COL20A1: variants seen among roughly 807,000 people sequenced by gnomAD.
The protein encoded by COL20A1 is collagen alpha-1(XX) chain.
COL20A1 carries 164 observed loss-of-function variants against 152.9 expected under a neutral mutation model. That is an observed-to-expected ratio of 1.07 (90% CI 0.94 to 1.22). The LOEUF is 1.22. Ranked by LOEUF, COL20A1 falls within the 50% of genes most tolerant of loss-of-function variation. The probability of loss-of-function intolerance (pLI) is 0.00; values close to 1 mark genes in which losing one functional copy is unlikely to be tolerated. For missense variants in COL20A1, 1,873 were observed against 1,744.8 expected (o/e 1.07, Z -1.31); for synonymous variants, 864 against 756.0 (o/e 1.14, Z -2.34).
intron 34 of COL20A1, 57 bp from the exon 35 acceptor site, chr20:63,329,505 TGACACCCTCTGTCCCCGTCAGAA>T: frequency 8.9e-7 from 1 of 1,129,124 alleles, no homozygotes; most frequent in Non-Finnish European, 1.3e-6. Flanking sequence ...GGAGGGGCCC[TGACACCCTCTGTCCCCGTCAGAA>T]CAGGGCCCCA....
At chr20:63,327,258 A>G (rs553330614) in intron 31 of COL20A1, 63 of 189,908 alleles carry the variant, frequency 3.3e-4, no homozygotes, top group Non-Finnish European at 5.4e-4. Flanking sequence ...CTTCCTATTG[A>G]CCACCCAGGG....
In COL20A1 at chr20:63,315,430, T is replaced by A; in HGVS notation, c.2515T>A (p.Ser839Thr). The A allele has an allele frequency of 6.3e-7, 1 of 1,578,832 alleles. No homozygotes were observed. Among genetic ancestry groups the A allele is most frequent in the Non-Finnish European group, 8.6e-7 (1 of 1,167,402 alleles). The change falls in exon 20 of 36, where the codon TCC (serine) becomes ACC (threonine). Residue 839 changes from serine to threonine, a missense_variant. Ser to Thr is a moderately conservative substitution (Grantham distance 58). Coordinates refer to ENST00000358894, the MANE Select transcript of COL20A1 (RefSeq NM_020882.4). ...TACPALRPDG[S>T]LPGFDLMVAF... Reference sequence around the variant, plus strand: ...CTGCCCAGCCCTCCGCCCTGACGGCTCCCTCCCAGGTGGGTCCTGCATGCC... The same window carrying A: ...CTGCCCAGCCCTCCGCCCTGACGGCACCCTCCCAGGTGGGTCCTGCATGCC...
chr20:63,329,444 C>T, intron 34 of COL20A1, 141 bp from the exon 35 acceptor site: 1 of 663,816 alleles, frequency 1.5e-6, no homozygotes, highest in Non-Finnish European at 2.7e-6. Flanking sequence ...ACGCTGCTGC[C>T]CCTAGATCTC....
At position 63,309,778 on chromosome 20, in the gene COL20A1, A is replaced by G. The variant is rs986635188; in HGVS notation, c.1126A>G (p.Thr376Ala). 5 of 1,589,564 alleles carry G rather than the reference A, an allele frequency of 3.1e-6. No individual in the cohort carries two copies. The highest frequency in any genetic ancestry group is 3.4e-6 in the Non-Finnish European group (4 of 1,169,652). The part of the protein sequence containing the change: ...QGPAAAPALD[T>A]LPAPTSLVLS... ...AGCAGCAGCGGCTCCAGCCCTGGAC[A>G]CCCTCCCTGCCCCCACCAGCCTGGT... The change falls in exon 10 of 36, where the codon ACC becomes GCC. Residue 376 changes from threonine to alanine, a missense_variant. Coordinates refer to ENST00000358894, the MANE Select transcript of COL20A1 (RefSeq NM_020882.4).
chr20:63,320,921 G>C (rs2068153727), intron 25 of COL20A1, 92 bp from the exon 26 acceptor site: 2 of 976,280 alleles, frequency 2.0e-6, no homozygotes, highest in African/African-American at 1.7e-5. Flanking sequence ...AGTCTCCCTG[G>C]AGCCCAGGTG....
intron 6 of COL20A1, 23 bp from the exon 7 acceptor site, chr20:63,307,948 G>C (rs763265245): frequency 6.2e-7 from 1 of 1,610,390 alleles, no homozygotes; most frequent in East Asian, 2.2e-5. Flanking sequence ...AACTCAGCCC[G>C]TGGCCATGCC....
chr20:63,318,991 A>C, intron 21 of COL20A1, 67 bp from the exon 22 acceptor site: 2 of 1,303,256 alleles, frequency 1.5e-6, no homozygotes, highest in Non-Finnish European at 2.2e-6. Context: ...GGGCGAGCGG[A>C]TCGTTCTGCC....
Position 63,312,049 on chromosome 20 carries a change from G to C in COL20A1, c.1797G>C (p.Ser599=). The change falls in exon 14 of 36, where the codon TCG becomes TCC. Residue 599 remains serine (S), a synonymous_variant. Coordinates refer to ENST00000358894, the MANE Select transcript of COL20A1 (RefSeq NM_020882.4). ...VTYVSSEGGH[S]GQTEAPGNAT... ...ATGTGTCCAGCGAGGGTGGACACTC[G>C]GGGCAGGTGAGAGCAGAGCCCTCCG... The C allele has an allele frequency of 6.3e-7, 1 of 1,574,816 alleles. No individual in the cohort carries two copies. The highest frequency in any genetic ancestry group is 2.3e-5 in the East Asian group (1 of 44,286).
At chr20:63,308,490 C>T (rs1420458134) in intron 7 of COL20A1, 52 bp from the exon 8 acceptor site, 3 of 1,479,416 alleles carry the variant, frequency 2.0e-6, no homozygotes, top group African/African-American at 1.4e-5. Context: ...CAGCCGAGCA[C>T]CAGGAGGGGA....
chr20:63,295,936 C>T, intron 2 of COL20A1, among the ~76,000 whole-genome samples: 1 of 152,404 alleles, frequency 6.6e-6, no homozygotes, highest in Middle Eastern at 3.4e-3. Context: ...CGGGCTCCCA[C>T]TGAGCGATGG....
intron 3 of COL20A1, among the ~76,000 whole-genome samples, chr20:63,304,386 T>C (rs111174529): frequency 7.4e-6 from 1 of 134,262 alleles, no homozygotes; most frequent in Non-Finnish European, 1.6e-5. Flanking sequence ...CCTCCAGGTG[T>C]GCAGGTGTGG....
Position 63,319,304 on chromosome 20 carries a change from C to A in COL20A1, c.2806+104C>A. 1.6e-6 allele frequency: 2 copies of A among 1,266,854 alleles called. No homozygotes were observed. Among genetic ancestry groups the A allele is most frequent in the Non-Finnish European group, 1.1e-6 (1 of 920,416 alleles). 78.5% of individuals were successfully genotyped at this position (1,266,854 alleles called of 1,614,324 possible). On this transcript the variant is annotated intron_variant, in intron 22 of 35. Transcript: ENST00000358894. This position sits in a 1 kb window ranked among gnomAD's most constrained non-coding sequence, Gnocchi z 4.4. ...GAGGAAGTCCAGCCTCCAGGCCAGGCCCTCAGCACCCTCTGGGTGGGAGGC... is the reference window on the plus strand; with the variant it reads ...GAGGAAGTCCAGCCTCCAGGCCAGGACCTCAGCACCCTCTGGGTGGGAGGC...
At chr20:63,299,835 G>A (rs1411303198) in intron 3 of COL20A1, among the ~76,000 whole-genome samples, 2 of 150,634 alleles carry the variant, frequency 1.3e-5, no homozygotes, top group African/African-American at 4.9e-5. Context: ...ACATATATAT[G>A]TATATATACG....
intron 27 of COL20A1, among the ~76,000 whole-genome samples, chr20:63,323,636 G>A (rs1203562766): frequency 6.6e-6 from 1 of 152,178 alleles, no homozygotes; most frequent in Non-Finnish European, 1.5e-5. Context: ...GAAGTTGAAC[G>A]CCCTGGCTCT....
chr20:63,328,600 C>G, intron 34 of COL20A1, 102 bp downstream of exon 34: 3 of 1,141,342 alleles, frequency 2.6e-6, no homozygotes, highest in Non-Finnish European at 3.7e-6. Context: ...AGCACAGCAG[C>G]TCCTGCTGGA....
At position 63,312,833 on chromosome 20, in the gene COL20A1, C is replaced by G; in HGVS notation, c.1975C>G (p.Pro659Ala). The change falls in exon 16 of 36, where the codon CCA (proline) becomes GCA (alanine). Residue 659 changes from proline to alanine, a missense_variant. Physicochemically the swap from Pro to Ala is conservative, Grantham distance 27. Transcript: ENST00000358894. ...SPSQLSMTEL[P>A]GDAVQLAWVA... ...AAGCCAGCTGTCCATGACGGAGCTG[C>G]CAGGGGATGCAGTCCAGCTGGCGTG... The G allele has an allele frequency of 6.4e-7, 1 of 1,561,210 alleles. No homozygotes were observed. The highest frequency in any genetic ancestry group is 2.4e-5 in the East Asian group (1 of 41,710).
In COL20A1 at chr20:63,312,494, C is replaced by A; in HGVS notation, c.1878C>A (p.Val626=). 1 of 1,608,884 alleles carries A rather than the reference C, an allele frequency of 6.2e-7. No homozygotes were observed. Among genetic ancestry groups the A allele is most frequent in the South Asian group, 1.1e-5 (1 of 90,774 alleles). Residue 626 remains valine, a synonymous_variant, in exon 15 of 36, where the codon GTC becomes GTA. Transcript: ENST00000358894. ...LSSSTTYTVR[V]TCLYPGGGSS... Reference sequence around the variant, plus strand: ...CCTCCACCACCTACACTGTCCGTGTCACCTGCCTCTACCCTGGGGGTGGCT... The same window carrying A: ...CCTCCACCACCTACACTGTCCGTGTAACCTGCCTCTACCCTGGGGGTGGCT...
chr20:63,329,618 C>G lies in COL20A1; in HGVS notation c.3815C>G (p.Pro1272Arg). Reference sequence around the variant, plus strand: ...GGAGCTGTTGGTCAGATGGGCAGCCCTGGGCAGCAGGGGGCTAGCACCCAG... The same window carrying G: ...GGAGCTGTTGGTCAGATGGGCAGCCGTGGGCAGCAGGGGGCTAGCACCCAG... ...EPGAVGQMGSPGQQGASTQGL... is the reference protein window; with the variant it reads ...EPGAVGQMGSRGQQGASTQGL... Residue 1272 changes from proline (P) to arginine (R), a missense_variant, in exon 35 of 36, where the codon CCT becomes CGT. Pro to Arg is a moderately radical substitution (Grantham distance 103). Transcript: ENST00000358894. 2 of 1,607,624 alleles carry G rather than the reference C, an allele frequency of 1.2e-6. No homozygotes were observed. Among genetic ancestry groups the G allele is most frequent in the South Asian group, 2.2e-5 (2 of 90,478 alleles).
At position 63,319,653 on chromosome 20, in the gene COL20A1, C is replaced by A; in HGVS notation, c.2916+57C>A. 1 of 1,275,198 alleles carries A rather than the reference C, an allele frequency of 7.8e-7. No individual in the cohort carries two copies. The highest frequency in any genetic ancestry group is 1.1e-6 in the Non-Finnish European group (1 of 902,364). The allele number at this position is 1,275,198 out of a possible 1,614,324, so 79.0% of individuals were successfully genotyped here. The stretch of plus-strand genomic sequence containing the variant: ...TTCCCCCAGCTCTGGGGCAGCCCAG[C>A]CCCACAGGGACCTGCCGGATGCCAA... On this transcript the variant is annotated intron_variant, in intron 23 of 35. Coordinates refer to ENST00000358894, the MANE Select transcript of COL20A1 (RefSeq NM_020882.4). The surrounding 1 kb of genome is among the most constrained non-coding windows in gnomAD (Gnocchi z 4.4).
Sources: allele counts gnomAD v4.1 joint callset (sites outside exome capture counted in the v4.1 genomes callset), GRCh38; gene constraint gnomAD v4.1.1; non-coding constraint Gnocchi (gnomAD v3.1); transcripts MANE v1.5; gene names NCBI Gene and HGNC (gene_info 2026-07-23, HGNC 2026-07-21).